PTK2B: variants seen among roughly 807,000 people sequenced by gnomAD.
PTK2B encodes the protein protein-tyrosine kinase 2-beta.
A neutral mutation model predicts 142.9 loss-of-function variants in PTK2B; 71 were observed. The ratio of observed to expected loss-of-function variants is 0.50; its 90% CI spans 0.41 to 0.61. The LOEUF (loss-of-function observed/expected upper bound fraction) is 0.61. PTK2B is among the 20% of genes least tolerant of loss of function. The pLI, the probability that PTK2B is intolerant of heterozygous loss-of-function variation, is 0.00. For synonymous variants in PTK2B, 519 were observed against 503.4 expected, an observed-to-expected ratio of 1.03 and a Z score of -0.42; for missense variants, 1,105 against 1,320.4, an observed-to-expected ratio of 0.84 and a Z score of 2.53.
At chr8:27,366,995 G>A (rs1453391217) in intron 1 of PTK2B, among the ~76,000 whole-genome samples, 2 of 152,288 alleles carry the variant, frequency 1.3e-5, no homozygotes, top group Admixed American at 1.3e-4. Flanking sequence ...GGTAGAAGGT[G>A]CCTGAGACCA....
intron 1 of PTK2B, among the ~76,000 whole-genome samples, chr8:27,383,678 A>G (rs1229140668): frequency 3.9e-5 from 6 of 152,050 alleles, no homozygotes; most frequent in African/African-American, 1.2e-4. Flanking sequence ...TGTAGTTATC[A>G]TAAATGAGAT....
At chr8:27,342,494 TG>T (rs1804464708) in intron 1 of PTK2B, among the ~76,000 whole-genome samples, 1 of 152,158 alleles carries the variant, frequency 6.6e-6, no homozygotes, top group South Asian at 2.1e-4. Context: ...ACAACGACTA[TG>T]TTTCCTTTCC....
In PTK2B at chr8:27,454,054, G is replaced by A. The variant is rs187642515; in HGVS notation, c.2596-100G>A. 2,421 of 1,485,148 alleles carry A rather than the reference G, an allele frequency of 1.6e-3. 1 individual carries two copies. Among genetic ancestry groups the A allele is most frequent in the Non-Finnish European group, 2.0e-3 (2,151 of 1,074,978 alleles). The allele number at this position is 1,485,148 out of a possible 1,614,324, so 92.0% of individuals were successfully genotyped here. On this transcript the variant is annotated intron_variant, in intron 28 of 30. Transcript: ENST00000346049. The stretch of plus-strand genomic sequence containing the variant: ...CTAAAGAAGAGTCCTTTCCAATCGG[G>A]CTGGTGGTGGAGTTGGCCACAGTGG...
intron 2 of PTK2B, among the ~76,000 whole-genome samples, chr8:27,398,579 A>G (rs972043329): frequency 6.6e-6 from 1 of 152,222 alleles, no homozygotes; most frequent in African/African-American, 2.4e-5. Context: ...TACACTGAGG[A>G]CATACCTTTC....
In PTK2B at chr8:27,340,456, G is replaced by A. The variant is rs534983641; in HGVS notation, c.-38+14775G>A. Among the ~76,000 whole-genome samples, 99 of 152,354 alleles carry A rather than the reference G, an allele frequency of 6.5e-4. 1 individual carries two copies. The highest frequency in any genetic ancestry group is 1.2e-3 in the Non-Finnish European group (81 of 68,030). ...TTGGAAGCTGGGAACATCTCAGGGT[G>A]TCTGGATCTAGCAGGAGCACGGTGG... On this transcript the variant is annotated intron_variant, in intron 1 of 30. Transcript: ENST00000346049.
intron 1 of PTK2B, among the ~76,000 whole-genome samples, chr8:27,394,270 C>T (rs1379481536): frequency 1.3e-5 from 2 of 152,162 alleles, no homozygotes; most frequent in East Asian, 3.8e-4. Context: ...GTTTTCCCTT[C>T]CCTATCATCA....
At chr8:27,353,144 TTTAG>T (rs1180146532) in intron 1 of PTK2B, among the ~76,000 whole-genome samples, 1 of 152,198 alleles carries the variant, frequency 6.6e-6, no homozygotes, top group Non-Finnish European at 1.5e-5. Flanking sequence ...TGCAAAAATA[TTTAG>T]TTAGCAATCC....
rs752405810 is a variant in PTK2B, at chr8:27,454,195, G to T, written c.2637G>T (p.Leu879=). 4.3e-6 allele frequency: 7 copies of T among 1,614,102 alleles called. No individual in the cohort carries two copies. The highest frequency in any genetic ancestry group is 3.3e-5 in the South Asian group (3 of 91,076). Residue 879 remains leucine (L), a synonymous_variant, in exon 29 of 31, where the codon CTG becomes CTT. Coordinates refer to ENST00000346049, the MANE Select transcript of PTK2B (RefSeq NM_173176.3). ...PTANLDRTDD[L]VYLNVMELVR... ...CTAACCTGGACCGGACTGATGACCTGGTGTACCTCAATGTCATGGAGCTGG... is the reference window on the plus strand; with the variant it reads ...CTAACCTGGACCGGACTGATGACCTTGTGTACCTCAATGTCATGGAGCTGG...
At chr8:27,402,278 T>C (rs1229159790) in intron 2 of PTK2B, among the ~76,000 whole-genome samples, 2 of 152,074 alleles carry the variant, frequency 1.3e-5, no homozygotes, top group South Asian at 2.1e-4. Flanking sequence ...CTGGTCTGGG[T>C]GGTCAGGGTC....
intron 9 of PTK2B, among the ~76,000 whole-genome samples, chr8:27,431,853 T>C (rs896653468): frequency 6.6e-6 from 1 of 152,238 alleles, no homozygotes; most frequent in African/African-American, 2.4e-5. Context: ...GAGCAAGTCC[T>C]GGCTTTCTCT....
intron 10 of PTK2B, 23 bp downstream of exon 10, chr8:27,432,384 C>G: frequency 5.6e-6 from 9 of 1,605,288 alleles, no homozygotes; most frequent in Non-Finnish European, 7.7e-6. Flanking sequence ...GGGCACTGGG[C>G]ACCTGGCAGC....
chr8:27,392,192 G>T (rs1376232489), intron 1 of PTK2B, among the ~76,000 whole-genome samples: 1 of 152,178 alleles, frequency 6.6e-6, no homozygotes, highest in Non-Finnish European at 1.5e-5. Context: ...GCTGGAGTCA[G>T]CAGATTGTTC....
At chr8:27,320,421 C>T (rs931348124) in intron 3 of PTK2B, among the ~76,000 whole-genome samples, 2 of 152,152 alleles carry the variant, frequency 1.3e-5, no homozygotes, top group African/African-American at 4.8e-5. Flanking sequence ...ACTGCCCCAA[C>T]TCCCCACCCT....
In PTK2B at chr8:27,451,143, A is replaced by AC. The variant is rs1265537399; in HGVS notation, c.2523+71dup. On this transcript the variant is annotated intron_variant, in intron 26 of 30. Transcript: ENST00000346049. ...CTGGGAAGGCCTCGCCCACCATAGG[A>AC]CCCCCCGCCCAACTTGCTCCTACCC... 5.8e-6 allele frequency: 9 copies of AC among 1,549,610 alleles called. 1 individual carries two copies. Among genetic ancestry groups the AC allele is most frequent in the South Asian group, 5.6e-5 (5 of 89,696 alleles).
chr8:27,333,506 T>A (rs1328244754), intron 1 of PTK2B, among the ~76,000 whole-genome samples: 1 of 152,190 alleles, frequency 6.6e-6, no homozygotes, highest in East Asian at 1.9e-4. Context: ...ATTGCGTAAC[T>A]CAGATACTTT....
chr8:27,365,481 T>A (rs187165058), intron 1 of PTK2B, among the ~76,000 whole-genome samples: 1 of 152,308 alleles, frequency 6.6e-6, no homozygotes, highest in East Asian at 1.9e-4. Context: ...TTCTTTCCTC[T>A]GCAATATGGC....
At chr8:27,325,117 T>A (rs1803334280), upstream of PTK2B, among the ~76,000 whole-genome samples, 1 of 152,174 alleles carries the variant, frequency 6.6e-6, no homozygotes, top group Non-Finnish European at 1.5e-5. Flanking sequence ...ATGGAGAGAT[T>A]AGGACACAAG....
rs1811080906 is a variant in PTK2B, at chr8:27,440,347, C to A, written c.1945C>A (p.Leu649Ile). The A allele has an allele frequency of 6.2e-7, 1 of 1,614,250 alleles. No homozygotes were observed. Among genetic ancestry groups the A allele is most frequent in the East Asian group, 2.2e-5 (1 of 44,880 alleles). Reference sequence around the variant, plus strand: ...AGGAGACCGGCTGCCCAAGCCTGATCTCTGTCCACCGGTCCTTTATACCCT... The same window carrying A: ...AGGAGACCGGCTGCCCAAGCCTGATATCTGTCCACCGGTCCTTTATACCCT... Reference protein sequence around the residue: ...EKGDRLPKPDLCPPVLYTLMT... With the variant: ...EKGDRLPKPDICPPVLYTLMT... The change falls in exon 21 of 31, where the codon CTC becomes ATC. Residue 649 changes from leucine to isoleucine, a missense_variant. Leu to Ile is a conservative substitution (Grantham distance 5). Transcript: ENST00000346049.
intron 1 of PTK2B, among the ~76,000 whole-genome samples, chr8:27,386,756 G>A (rs1354363342): frequency 6.6e-6 from 1 of 152,156 alleles, no homozygotes; most frequent in Non-Finnish European, 1.5e-5. Flanking sequence ...CAGACTAGGG[G>A]GTTGGCAGGT....
Sources: allele counts gnomAD v4.1 joint callset (sites outside exome capture counted in the v4.1 genomes callset), GRCh38; gene constraint gnomAD v4.1.1; transcripts MANE v1.5; gene names NCBI Gene and HGNC (gene_info 2026-07-23, HGNC 2026-07-21).